Variants in CCDC60 observed in about 807,000 individuals in gnomAD.
CCDC60 encodes the protein coiled-coil domain containing 60.
In CCDC60, 54 loss-of-function variants were observed where a neutral mutation model predicts 63.5. That is an observed-to-expected ratio of 0.85 (90% CI 0.68 to 1.07). CCDC60 has a LOEUF of 1.07. CCDC60 is among the 50% of genes least tolerant of loss of function. CCDC60 has a pLI of 0.00. For synonymous variants in CCDC60, 206 were observed against 238.8 expected (o/e 0.86, Z 1.27); for missense variants, 651 against 684.3 (o/e 0.95, Z 0.54).
At chr12:119,480,065 C>A (rs1343172151) in intron 4 of CCDC60, among the ~76,000 whole-genome samples, 1 of 150,258 alleles carries the variant, frequency 6.7e-6, no homozygotes, top group Non-Finnish European at 1.5e-5. Context: ...AGAACCACTG[C>A]TTTAGGGCAA....
chr12:119,391,920 G>A (rs1267628161), intron 1 of CCDC60, among the ~76,000 whole-genome samples: 2 of 152,158 alleles, frequency 1.3e-5, no homozygotes, highest in East Asian at 3.9e-4. Flanking sequence ...GCTCGAGACA[G>A]CTGTTCATTC....
chr12:119,426,931 C>A (rs1956911952), intron 1 of CCDC60, among the ~76,000 whole-genome samples: 1 of 152,210 alleles, frequency 6.6e-6, no homozygotes, highest in Non-Finnish European at 1.5e-5. Flanking sequence ...GAGCAGTAGG[C>A]ACCATAGCCC....
At chr12:119,354,119 T>C (rs1253585021) in intron 1 of CCDC60, among the ~76,000 whole-genome samples, 2 of 152,092 alleles carry the variant, frequency 1.3e-5, no homozygotes, top group South Asian at 2.1e-4. Context: ...CATTTCTCTC[T>C]CTCTCTTTCT....
intron 2 of CCDC60, among the ~76,000 whole-genome samples, chr12:119,465,039 C>T (rs565459381): frequency 1.3e-5 from 2 of 152,330 alleles, no homozygotes; most frequent in Admixed American, 6.5e-5. Flanking sequence ...GGGCCAGGCG[C>T]GGTGGCTCAT....
chr12:119,479,084 T>C lies in CCDC60; in HGVS notation c.342-10T>C. On this transcript the variant is annotated splice_polypyrimidine_tract_variant and intron_variant, in intron 3 of 13. Coordinates refer to ENST00000327554, the MANE Select transcript of CCDC60 (RefSeq NM_178499.5). ...TGTTCACATTGTTTCTCTGTCTGCT[T>C]GTCCTTCAGCACATATGATGATGAG... 1 of 1,594,248 alleles carries C rather than the reference T, an allele frequency of 6.3e-7. No individual in the cohort carries two copies. Among genetic ancestry groups the C allele is most frequent in the Non-Finnish European group, 8.6e-7 (1 of 1,162,550 alleles).
chr12:119,393,647 A>C (rs1317316296), intron 1 of CCDC60, among the ~76,000 whole-genome samples: 1 of 152,244 alleles, frequency 6.6e-6, no homozygotes, highest in Non-Finnish European at 1.5e-5. Flanking sequence ...AGAGCAAGAC[A>C]CAGGGAAAGC....
chr12:119,487,451 C>T (rs1951477108), intron 4 of CCDC60, among the ~76,000 whole-genome samples: 1 of 152,094 alleles, frequency 6.6e-6, no homozygotes, highest in Non-Finnish European at 1.5e-5. Flanking sequence ...GGGCCTGCCA[C>T]CGTGCACAGC....
chr12:119,496,269 C>T (rs1294436429), intron 5 of CCDC60, among the ~76,000 whole-genome samples: 1 of 152,206 alleles, frequency 6.6e-6, no homozygotes, highest in Non-Finnish European at 1.5e-5. Context: ...GATGGGAGTT[C>T]AGAAAGAGAG....
intron 1 of CCDC60, among the ~76,000 whole-genome samples, chr12:119,364,258 A>G (rs1955818981): frequency 6.6e-6 from 1 of 152,102 alleles, no homozygotes; most frequent in South Asian, 2.1e-4. Context: ...ACACATTTTA[A>G]GTCTACAGTT....
In CCDC60 at chr12:119,497,718, G is replaced by A. The variant is rs574173417; in HGVS notation, c.558-2360G>A. 1.2e-4 allele frequency among the ~76,000 whole-genome samples: 18 copies of A among 150,740 alleles called. No homozygotes were observed. The South Asian group carries it at 2.3e-3, about 19-fold the overall frequency. ...GCGTTAGCAAAGGGAAATGCGAAAA[G>A]CCCTGTGGTCTTGAAAGAAATGCTC... On this transcript the variant is annotated intron_variant, in intron 5 of 13. Coordinates refer to ENST00000327554, the MANE Select transcript of CCDC60 (RefSeq NM_178499.5).
At chr12:119,501,086 A>C (rs932044674) in intron 6 of CCDC60, among the ~76,000 whole-genome samples, 2 of 152,230 alleles carry the variant, frequency 1.3e-5, no homozygotes, top group Non-Finnish European at 2.9e-5. Context: ...ACACAACTAG[A>C]GCGTTTGCTG....
In CCDC60 at chr12:119,472,024, T is replaced by C. The variant is rs1307347557; in HGVS notation, c.201T>C (p.Arg67=). The C allele has an allele frequency of 6.2e-7, 1 of 1,613,800 alleles. No homozygotes were observed. Among genetic ancestry groups the C allele is most frequent in the Admixed American group, 1.7e-5 (1 of 59,966 alleles). ...TGATCCAGTCTGTGAAGATAGGCCG[T>C]GGATATTTTGCTATTCTGAGGGAAG... is the stretch of plus-strand genomic sequence containing the variant. ...RFLIQSVKIG[R]GYFAILREET... Residue 67 remains arginine, a synonymous_variant, in exon 3 of 14, where the codon CGT becomes CGC. Coordinates refer to ENST00000327554, the MANE Select transcript of CCDC60 (RefSeq NM_178499.5).
chr12:119,450,868 A>AAAAAG (rs112032535), intron 2 of CCDC60, among the ~76,000 whole-genome samples: 2 of 141,698 alleles, frequency 1.4e-5, no homozygotes, highest in African/African-American at 5.2e-5. Flanking sequence ...AAAAAAAAAA[A>AAAAAG]AGAGAGAGAG....
At chr12:119,389,525 TTGC>T (rs1956119689) in intron 1 of CCDC60, among the ~76,000 whole-genome samples, 1 of 152,108 alleles carries the variant, frequency 6.6e-6, no homozygotes, top group East Asian at 1.9e-4. Flanking sequence ...GGTCACCTGC[TTGC>T]TCATTAACAT....
intron 1 of CCDC60, among the ~76,000 whole-genome samples, chr12:119,380,807 T>C (rs1246521385): frequency 6.6e-6 from 1 of 152,244 alleles, no homozygotes; most frequent in Non-Finnish European, 1.5e-5. Context: ...GATTAGTGCC[T>C]AGCTGTAATT....
chr12:119,442,763 T>A (rs1950473143), intron 2 of CCDC60, among the ~76,000 whole-genome samples: 1 of 152,248 alleles, frequency 6.6e-6, no homozygotes, highest in African/African-American at 2.4e-5. Flanking sequence ...CCAGTTTAAA[T>A]TTTTAAGCAT....
chr12:119,360,169 C>A (rs1195612239), intron 1 of CCDC60, among the ~76,000 whole-genome samples: 3 of 147,722 alleles, frequency 2.0e-5, no homozygotes, highest in Admixed American at 6.7e-5. Context: ...GGGGCTGACC[C>A]CCCCCCACCT....
intron 1 of CCDC60, 70 bp downstream of exon 1, chr12:119,335,336 A>T: frequency 8.3e-7 from 1 of 1,200,230 alleles, no homozygotes; most frequent in Non-Finnish European, 1.2e-6. Flanking sequence ...GCTGGGTCAA[A>T]TGGTATTTCT....
At chr12:119,509,679 T>C (rs533549132) in intron 7 of CCDC60, among the ~76,000 whole-genome samples, 5 of 152,324 alleles carry the variant, frequency 3.3e-5, no homozygotes, top group East Asian at 3.9e-4. Flanking sequence ...ATGATGGTGA[T>C]GATAAAACTA....
Sources: gnomAD v4.1 joint callset for allele counts (sites outside exome capture counted in the v4.1 genomes callset) on GRCh38, gnomAD v4.1.1 for gene constraint, MANE v1.5 for transcripts, NCBI Gene and HGNC (gene_info 2026-07-23, HGNC 2026-07-21) for gene names.